Variants in AGPAT4 observed in about 807,000 individuals in gnomAD.
AGPAT4 encodes the protein 1-acyl-sn-glycerol-3-phosphate acyltransferase delta.
A neutral mutation model predicts 48.0 loss-of-function variants in AGPAT4; 15 were observed. The observed-to-expected ratio is 0.31, with a 90% CI of 0.21 to 0.48. The LOEUF is 0.48. Among genes scored for constraint, AGPAT4 ranks in the 20% least tolerant of loss-of-function variants. The pLI is 0.99. For missense variants in AGPAT4, 314 were observed against 482.5 expected (o/e 0.65, Z 3.27); for synonymous variants, 178 against 198.7 (o/e 0.90, Z 0.88).
rs1021311642 is a variant in AGPAT4 at position 161,221,585 on chromosome 6, C to T, written c.178+10451G>A. On this transcript the variant is annotated intron_variant, in intron 2 of 8. Coordinates refer to ENST00000320285, the MANE Select transcript of AGPAT4 (RefSeq NM_020133.3). This position sits in a 1 kb window ranked among gnomAD's most constrained non-coding sequence, Gnocchi z 4.5. Reference sequence around the variant, plus strand: ...CCACAGTAGAAGAAAAGACTTAGAACGCAGACTGGATTCATTTCCTGGGGC... The same window carrying T: ...CCACAGTAGAAGAAAAGACTTAGAATGCAGACTGGATTCATTTCCTGGGGC... 6.6e-6 allele frequency among the ~76,000 whole-genome samples: 1 copy of T among 152,164 alleles called. No homozygotes were observed. The highest frequency in any genetic ancestry group is 1.5e-5 in the Non-Finnish European group (1 of 68,024).
rs1426506795 is a variant in AGPAT4, at chr6:161,267,379, G to A, written c.-90+6559C>T. On this transcript the variant is annotated intron_variant, in intron 1 of 8. Transcript: ENST00000320285. This position sits in a 1 kb window ranked among gnomAD's most constrained non-coding sequence, Gnocchi z 5.2. ...TCTTAACAACTGGGATGAAAGGCAT[G>A]CAGAGGTCTACACGGTAGAGATTTG... Among the ~76,000 whole-genome samples the A allele has an allele frequency of 6.6e-6, 1 of 151,868 alleles. No individual in the cohort carries two copies. The highest frequency in any genetic ancestry group is 1.9e-4 in the East Asian group (1 of 5,182).
At chr6:161,145,059 G>A (rs1351049168) in intron 7 of AGPAT4, among the ~76,000 whole-genome samples, 4 of 151,636 alleles carry the variant, frequency 2.6e-5, no homozygotes, top group African/African-American at 4.9e-5. Context: ...GAAAAATACT[G>A]CCTCATGCAT....
chr6:161,253,039 C>G (rs182377599), intron 1 of AGPAT4, among the ~76,000 whole-genome samples: 133 of 151,492 alleles, frequency 8.8e-4, no homozygotes, highest in African/African-American at 2.9e-3. Flanking sequence ...TACGGTGAAA[C>G]CCCGTCTCTA....
intron 5 of AGPAT4, among the ~76,000 whole-genome samples, chr6:161,152,320 G>A (rs940953810): frequency 1.3e-5 from 2 of 152,036 alleles, no homozygotes; most frequent in African/African-American, 2.4e-5. Context: ...GGCACAGCCC[G>A]CCTGGCCTGG....
Position 161,214,611 on chromosome 6 carries a change from AC to A in AGPAT4, c.178+17424del, listed in dbSNP as rs1388274774. Among the ~76,000 whole-genome samples, 1 of 152,116 alleles carries A rather than the reference AC, an allele frequency of 6.6e-6. No individual in the cohort carries two copies. The highest frequency in any genetic ancestry group is 1.5e-5 in the Non-Finnish European group (1 of 68,014). ...TGAAACCCCGTCTCTACTAAAAGATACAAAAAAATTAGCTGGGCATGGTGGC... is the reference window on the plus strand; with the variant it reads ...TGAAACCCCGTCTCTACTAAAAGATAAAAAAAATTAGCTGGGCATGGTGGC... On this transcript the variant is annotated intron_variant, in intron 2 of 8. Transcript: ENST00000320285. The surrounding 1 kb of genome is among the most constrained non-coding windows in gnomAD (Gnocchi z 5.4).
At position 161,143,820 on chromosome 6, in the gene AGPAT4, G is replaced by A; in HGVS notation, c.843+2704C>T. On this transcript the variant is annotated intron_variant, in intron 7 of 8. Coordinates refer to ENST00000320285, the MANE Select transcript of AGPAT4 (RefSeq NM_020133.3). The surrounding 1 kb of genome is among the most constrained non-coding windows in gnomAD (Gnocchi z 4.7). Reference sequence around the variant, plus strand: ...AGATGGCGAGTTTCTCTTTATTTATGTCCATGCTTGGAAAGACCAGAATGT... The same window carrying A: ...AGATGGCGAGTTTCTCTTTATTTATATCCATGCTTGGAAAGACCAGAATGT... 1 of 240,364 alleles carries A rather than the reference G, an allele frequency of 4.2e-6. No homozygotes were observed. Among genetic ancestry groups the A allele is most frequent in the South Asian group, 5.3e-5 (1 of 18,928 alleles). The allele number at this position is 240,364 out of a possible 1,614,324, so 14.9% of individuals were successfully genotyped here.
At chr6:161,153,259 G>A in intron 5 of AGPAT4, 87 bp downstream of exon 5, 1 of 1,494,912 alleles carries the variant, frequency 6.7e-7, no homozygotes, top group East Asian at 2.5e-5. Context: ...GGGAAGTGCT[G>A]GCAGGAAGCA....
In AGPAT4 at chr6:161,245,300, A is replaced by AG. The variant is rs1265968619; in HGVS notation, c.-89-12999dup. On this transcript the variant is annotated intron_variant, in intron 1 of 8. Coordinates refer to ENST00000320285, the MANE Select transcript of AGPAT4 (RefSeq NM_020133.3). The surrounding 1 kb of genome is among the most constrained non-coding windows in gnomAD (Gnocchi z 5.2). The stretch of plus-strand genomic sequence containing the variant: ...GTACTGACATACACGCCGGCCCCAC[A>AG]GGGGTGATGGGAGACTTCAGGAGGT... Among the ~76,000 whole-genome samples, 3 of 152,160 alleles carry AG rather than the reference A, an allele frequency of 2.0e-5. No homozygotes were observed. Among genetic ancestry groups the AG allele is most frequent in the Non-Finnish European group, 4.4e-5 (3 of 68,030 alleles).
rs1562350080 is a variant in AGPAT4 at position 161,233,544 on chromosome 6, AAT to A, written c.-89-1244_-89-1243del. ...TCCAGCTTTACGATGGTGTAAAAGC[AAT>A]ATCCATTCAGAGAAATTTTAATTCG... On this transcript the variant is annotated intron_variant, in intron 1 of 8. Coordinates refer to ENST00000320285, the MANE Select transcript of AGPAT4 (RefSeq NM_020133.3). This position sits in a 1 kb window ranked among gnomAD's most constrained non-coding sequence, Gnocchi z 5.4. 6.6e-6 allele frequency among the ~76,000 whole-genome samples: 1 copy of A among 152,232 alleles called. No individual in the cohort carries two copies. Among genetic ancestry groups the A allele is most frequent in the Non-Finnish European group, 1.5e-5 (1 of 68,040 alleles).
rs1779486130 is a variant in AGPAT4 at position 161,148,131 on chromosome 6, C to A, written c.767+1056G>T. Among the ~76,000 whole-genome samples, 1 of 152,168 alleles carries A rather than the reference C, an allele frequency of 6.6e-6. No homozygotes were observed. The highest frequency in any genetic ancestry group is 1.5e-5 in the Non-Finnish European group (1 of 68,040). On this transcript the variant is annotated intron_variant, in intron 6 of 8. Transcript: ENST00000320285. This position sits in a 1 kb window ranked among gnomAD's most constrained non-coding sequence, Gnocchi z 5.5. ...ATTGAGTGGAGCTCCTGCCAGCTGT[C>A]AGAGAACATGGGGAATAAAACCTCA...
In AGPAT4 at chr6:161,233,761, C is replaced by A. The variant is rs1782193054; in HGVS notation, c.-89-1459G>T. Reference sequence around the variant, plus strand: ...TGATGTTTGGTAGGTGAGGTGCATGCAATGCCTTTTTGACCTACAGTATTT... The same window carrying A: ...TGATGTTTGGTAGGTGAGGTGCATGAAATGCCTTTTTGACCTACAGTATTT... On this transcript the variant is annotated intron_variant, in intron 1 of 8. Coordinates refer to ENST00000320285, the MANE Select transcript of AGPAT4 (RefSeq NM_020133.3). This position sits in a 1 kb window ranked among gnomAD's most constrained non-coding sequence, Gnocchi z 5.4. Among the ~76,000 whole-genome samples the A allele has an allele frequency of 2.0e-5, 3 of 152,186 alleles. No homozygotes were observed.
rs543828915 is a variant in AGPAT4 at position 161,214,541 on chromosome 6, G to A, written c.178+17495C>T. Reference sequence around the variant, plus strand: ...AGCCCTTTGGGAGGTCAAGGCAGGCGGATCAATTGAAGTCAGGAGTTCGAG... The same window carrying A: ...AGCCCTTTGGGAGGTCAAGGCAGGCAGATCAATTGAAGTCAGGAGTTCGAG... On this transcript the variant is annotated intron_variant, in intron 2 of 8. Transcript: ENST00000320285. The surrounding 1 kb of genome is among the most constrained non-coding windows in gnomAD (Gnocchi z 5.4). Among the ~76,000 whole-genome samples, 16 of 152,244 alleles carry A rather than the reference G, an allele frequency of 1.1e-4. No homozygotes were observed. The highest frequency in any genetic ancestry group is 3.9e-4 in the Admixed American group (6 of 15,302).
rs558167736 is a variant in AGPAT4, at chr6:161,144,042, C to T, written c.843+2482G>A. On this transcript the variant is annotated intron_variant, in intron 7 of 8. Coordinates refer to ENST00000320285, the MANE Select transcript of AGPAT4 (RefSeq NM_020133.3). This position sits in a 1 kb window ranked among gnomAD's most constrained non-coding sequence, Gnocchi z 6.6. ...GAAATCCCACTTTGACAAACTGGGT[C>T]GGGCACCCAGATTTGGGGCACGTAA... 7 of 466,228 alleles carry T rather than the reference C, an allele frequency of 1.5e-5. No homozygotes were observed. Among genetic ancestry groups the T allele is most frequent in the African/African-American group, 1.0e-4 (5 of 50,234 alleles). 28.9% of individuals were successfully genotyped at this position (466,228 alleles called of 1,614,324 possible). A position where few individuals can be genotyped will look rare whatever the true frequency, so the allele number is the denominator to read the frequency against.
chr6:161,156,106 G>A (rs1476539458), intron 3 of AGPAT4, among the ~76,000 whole-genome samples: 1 of 152,236 alleles, frequency 6.6e-6, no homozygotes, highest in Non-Finnish European at 1.5e-5. Flanking sequence ...TAGACCCGTA[G>A]ATGGTCACCT....
chr6:161,237,068 A>G (rs1363282238), intron 1 of AGPAT4, among the ~76,000 whole-genome samples: 1 of 152,190 alleles, frequency 6.6e-6, no homozygotes, highest in Admixed American at 6.5e-5. Flanking sequence ...CCATATCCGG[A>G]TACATTATTG....
chr6:161,142,885 A>G lies in AGPAT4; in HGVS notation c.844-3265T>C, dbSNP rs1259361994. ...GAGGCTCCCTGCTGCCCTTCTAAGG[A>G]GCAATGCCCTTATGGTTTAAGTGAA... On this transcript the variant is annotated intron_variant, in intron 7 of 8. Transcript: ENST00000320285. The surrounding 1 kb of genome is among the most constrained non-coding windows in gnomAD (Gnocchi z 6.4). Among the ~76,000 whole-genome samples the G allele has an allele frequency of 6.6e-6, 1 of 152,158 alleles. No homozygotes were observed. Among genetic ancestry groups the G allele is most frequent in the Non-Finnish European group, 1.5e-5 (1 of 68,020 alleles).
rs1783458031 is a variant in AGPAT4 at position 161,272,572 on chromosome 6, T to A, written c.-90+1366A>T. Reference sequence around the variant, plus strand: ...TTAACTTTGCTTATTACTAAGTAGATAATAATTTTCTCATTTCATATTTTT... The same window carrying A: ...TTAACTTTGCTTATTACTAAGTAGAAAATAATTTTCTCATTTCATATTTTT... On this transcript the variant is annotated intron_variant, in intron 1 of 8. Coordinates refer to ENST00000320285, the MANE Select transcript of AGPAT4 (RefSeq NM_020133.3). This position sits in a 1 kb window ranked among gnomAD's most constrained non-coding sequence, Gnocchi z 4.2. Among the ~76,000 whole-genome samples, 1 of 152,190 alleles carries A rather than the reference T, an allele frequency of 6.6e-6. No homozygotes were observed. The highest frequency in any genetic ancestry group is 1.5e-5 in the Non-Finnish European group (1 of 68,040).
intron 2 of AGPAT4, among the ~76,000 whole-genome samples, chr6:161,182,490 T>C (rs1426551066): frequency 6.8e-6 from 1 of 146,358 alleles, no homozygotes; most frequent in African/African-American, 2.6e-5. Context: ...TCCCAGCCTC[T>C]CACCCTATGC....
rs1462687251 is a variant in AGPAT4 at position 161,208,948 on chromosome 6, G to C, written c.178+23088C>G. ...AACACAAGCAAACCCACACCAGAAA[G>C]AGTCCCTAAAACGGCAATCATGACC... On this transcript the variant is annotated intron_variant, in intron 2 of 8. Coordinates refer to ENST00000320285, the MANE Select transcript of AGPAT4 (RefSeq NM_020133.3). This position sits in a 1 kb window ranked among gnomAD's most constrained non-coding sequence, Gnocchi z 4.6. 6.6e-6 allele frequency among the ~76,000 whole-genome samples: 1 copy of C among 152,150 alleles called. No homozygotes were observed. The highest frequency in any genetic ancestry group is 1.5e-5 in the Non-Finnish European group (1 of 68,028).
Sources: allele counts gnomAD v4.1 joint callset (sites outside exome capture counted in the v4.1 genomes callset), GRCh38; gene constraint gnomAD v4.1.1; non-coding constraint Gnocchi (gnomAD v3.1); transcripts MANE v1.5; gene names NCBI Gene and HGNC (gene_info 2026-07-23, HGNC 2026-07-21).